BRCA1: variants seen among roughly 807,000 people sequenced by gnomAD.
BRCA1 encodes BRCA1 DNA repair associated.
A neutral mutation model predicts 173.7 loss-of-function variants in BRCA1; 140 were observed. That is an observed-to-expected ratio of 0.81 (90% confidence interval 0.70 to 0.93). The LOEUF is 0.93. Among genes scored for constraint, BRCA1 ranks in the 40% least tolerant of loss-of-function variants. BRCA1 has a pLI of 0.00. For missense variants in BRCA1, 1,983 were observed against 2,172.5 expected, an observed-to-expected ratio of 0.91 and a Z score of 1.73; for synonymous variants, 662 against 756.0, an observed-to-expected ratio of 0.88 and a Z score of 2.04.
chr17:43,105,723 G>A (rs1419541823), intron 4 of BRCA1, among the ~76,000 whole-genome samples: 4 of 152,148 alleles, frequency 2.6e-5, no homozygotes, highest in African/African-American at 7.2e-5. Flanking sequence ...AAGCATCTGA[G>A]TGCCTACTAT....
chr17:43,163,390 C>T (rs528856329), intron 1 of BRCA1: 33 of 152,290 alleles, frequency 2.2e-4, no homozygotes, highest in Non-Finnish European at 4.4e-5. Flanking sequence ...ATGAAAACCT[C>T]GTTGTTGTTG....
chr17:43,143,867 A>G (rs1268572717), intron 1 of BRCA1, among the ~76,000 whole-genome samples: 1 of 152,064 alleles, frequency 6.6e-6, no homozygotes, highest in Admixed American at 6.6e-5. Context: ...TCTTGACCCT[A>G]TCCCTCCAGC....
rs2154481430 is a variant in BRCA1, at chr17:43,094,551, G to A, written c.980C>T (p.Thr327Ile). ...QHNRWAGSKE[T>I]CNDRRTPSTE... is the part of the protein sequence containing the mutation. ...GCTGGGAGTCCGCCTATCATTACAT[G>A]TTTCCTTACTTCCAGCCCATCTGTT... Residue 327 changes from threonine (T) to isoleucine (I), a missense_variant, in exon 10 of 23, where the codon ACA becomes ATA. Transcript: ENST00000357654. The A allele has an allele frequency of 6.2e-7, 1 of 1,614,098 alleles. No individual in the cohort carries two copies. The highest frequency in any genetic ancestry group is 8.5e-7 in the Non-Finnish European group (1 of 1,180,018).
Position 43,063,885 on chromosome 17 carries a change from A to C in BRCA1, c.5141T>G (p.Val1714Gly), listed in dbSNP as rs80357243. Reference sequence around the variant, plus strand: ...AGTATTATACTTACAGAAATAGCTAACTACCCATTTTCCTCCCGCAATTCC... The same window carrying C: ...AGTATTATACTTACAGAAATAGCTACCTACCCATTTTCCTCCCGCAATTCC... ...FLGIAGGKWV[V>G]SYFWVTQSIK... Residue 1714 changes from valine (V) to glycine (G), a missense_variant, in exon 17 of 23, where the codon GTT (valine) becomes GGT (glycine). Coordinates refer to ENST00000357654, the MANE Select transcript of BRCA1 (RefSeq NM_007294.4). The C allele has an allele frequency of 6.2e-7, 1 of 1,613,028 alleles. No homozygotes were observed. The highest frequency in any genetic ancestry group is 8.5e-7 in the Non-Finnish European group (1 of 1,178,998).
intron 3 of BRCA1, among the ~76,000 whole-genome samples, chr17:43,111,381 G>A (rs1430250584): frequency 2.0e-5 from 3 of 151,148 alleles, no homozygotes; most frequent in African/African-American, 7.3e-5. Flanking sequence ...TTAGCCAGGT[G>A]TGGTGGCACA....
intron 1 of BRCA1, among the ~76,000 whole-genome samples, chr17:43,159,246 A>G (rs1475497471): frequency 6.6e-6 from 1 of 152,200 alleles, no homozygotes; most frequent in Non-Finnish European, 1.5e-5. Context: ...GATCCTGTAT[A>G]AAAAAACCTC....
At chr17:43,088,106 G>A (rs1362086269) in intron 11 of BRCA1, among the ~76,000 whole-genome samples, 1 of 152,094 alleles carries the variant, frequency 6.6e-6, no homozygotes, top group African/African-American at 2.4e-5. Flanking sequence ...GCACACACAG[G>A]AATACTAAAA....
Position 43,057,108 on chromosome 17 carries a change from C to T in BRCA1, c.5221G>A (p.Val1741Ile), listed in dbSNP as rs876659122. 1 of 1,614,000 alleles carries T rather than the reference C, an allele frequency of 6.2e-7. No homozygotes were observed. Among genetic ancestry groups the T allele is most frequent in the African/African-American group, 1.3e-5 (1 of 75,010 alleles). The change falls in exon 19 of 23, where the codon GTC becomes ATC. Residue 1741 changes from valine (V) to isoleucine (I), a missense_variant. Transcript: ENST00000357654. The stretch of plus-strand genomic sequence containing the variant: ...GGACCTTGGTGGTTTCTTCCATTGA[C>T]CACATCTCCTCTGACTTCAAAATCA... ...EHDFEVRGDV[V>I]NGRNHQGPKR...
At chr17:43,095,376 G>A (rs1417994857) in intron 9 of BRCA1, among the ~76,000 whole-genome samples, 1 of 152,182 alleles carries the variant, frequency 6.6e-6, no homozygotes, top group Admixed American at 6.5e-5. Context: ...GAGTCCAGGA[G>A]TTTGAGACCA....
At chr17:43,133,420 T>G (rs2055987749) in intron 1 of BRCA1, among the ~76,000 whole-genome samples, 1 of 152,142 alleles carries the variant, frequency 6.6e-6, no homozygotes, top group South Asian at 2.1e-4. Flanking sequence ...ATTCTGCATT[T>G]TGGACCCGTC....
chr17:43,129,677 C>T (rs1354738047), upstream of BRCA1, among the ~76,000 whole-genome samples: 2 of 152,074 alleles, frequency 1.3e-5, no homozygotes, highest in South Asian at 2.1e-4. Flanking sequence ...GGTTTCACCG[C>T]GTTAGCCAGG....
chr17:43,155,179 T>C (rs1238529209), intron 1 of BRCA1, among the ~76,000 whole-genome samples: 1 of 152,176 alleles, frequency 6.6e-6, no homozygotes, highest in African/African-American at 2.4e-5. Flanking sequence ...TTTTTAATTT[T>C]CTTTTTTTGA....
In BRCA1 at chr17:43,096,544, C is replaced by G. The variant is rs189108346; in HGVS notation, c.594-622G>C. On this transcript the variant is annotated intron_variant, in intron 8 of 22. Coordinates refer to ENST00000357654, the MANE Select transcript of BRCA1 (RefSeq NM_007294.4). Reference sequence around the variant, plus strand: ...CCGAGATGGCGCCACTACACTCCATCCTGGCAACAGGGCAAGACCCCGTCT... The same window carrying G: ...CCGAGATGGCGCCACTACACTCCATGCTGGCAACAGGGCAAGACCCCGTCT... Among the ~76,000 whole-genome samples, 62 of 148,134 alleles carry G rather than the reference C, an allele frequency of 4.2e-4. No homozygotes were observed. In the East Asian group the frequency reaches 0.011, roughly 26 times the overall value.
At chr17:43,138,770 C>T (rs1373094545) in intron 1 of BRCA1, 1 of 779,062 alleles carries the variant, frequency 1.3e-6, no homozygotes, top group South Asian at 1.3e-5. Flanking sequence ...TCATCCTTTC[C>T]TCCCCTGTAG....
intron 4 of BRCA1, 101 bp downstream of exon 4, chr17:43,106,355 T>C (rs1597899963): frequency 3.9e-6 from 3 of 776,046 alleles, no homozygotes; most frequent in Non-Finnish European, 4.2e-6. Context: ...TTTATAAATT[T>C]TTCTGATGAA....
In BRCA1 at chr17:43,092,412, C is replaced by G. The variant is rs4986852; in HGVS notation, c.3119G>C (p.Ser1040Thr). The G allele has an allele frequency of 1.2e-6, 2 of 1,613,754 alleles. No homozygotes were observed. The highest frequency in any genetic ancestry group is 2.2e-5 in the South Asian group (2 of 91,080). Residue 1040 changes from serine (S) to threonine (T), a missense_variant, in exon 10 of 23, where the codon AGC becomes ACC. By Grantham distance (58) the Ser-to-Thr change is moderately conservative. Coordinates refer to ENST00000357654, the MANE Select transcript of BRCA1 (RefSeq NM_007294.4). ...NIRENVFKEA[S>T]SSNINEVGSS... ...ACCTACTTCATTAATATTGCTTGAG[C>G]TGGCTTCTTTAAAAACATTTTCTCT...
chr17:43,063,411 G>A (rs2153570299), intron 17 of BRCA1, 38 bp from the exon 18 acceptor site: 1 of 1,550,512 alleles, frequency 6.4e-7, no homozygotes, highest in Non-Finnish European at 8.9e-7. Flanking sequence ...ACATACAGCA[G>A]AAGAACGTGC....
At chr17:43,168,306 G>C in intron 1 of BRCA1, 1 of 371,364 alleles carries the variant, frequency 2.7e-6, no homozygotes, top group Non-Finnish European at 5.3e-6. Flanking sequence ...TTTTAAAAAG[G>C]TTTAGAAAAA....
intron 1 of BRCA1, among the ~76,000 whole-genome samples, chr17:43,157,156 C>T (rs781209022): frequency 8.5e-5 from 13 of 152,180 alleles, no homozygotes; most frequent in Admixed American, 2.0e-4. Context: ...AACTACCAAT[C>T]GTCAGAAATA....
Sources: allele counts gnomAD v4.1 joint callset (sites outside exome capture counted in the v4.1 genomes callset), GRCh38; gene constraint gnomAD v4.1.1; transcripts MANE v1.5; gene names NCBI Gene and HGNC (gene_info 2026-07-23, HGNC 2026-07-21).